Variants in CSMD1 observed in about 807,000 individuals in gnomAD.
CSMD1 encodes the protein CUB and Sushi multiple domains 1.
CSMD1 carries 213 observed loss-of-function variants against 417.5 expected under a neutral mutation model. That is an observed-to-expected ratio of 0.51 (90% CI 0.46 to 0.57). The LOEUF (loss-of-function observed/expected upper bound fraction) is 0.57. Ranked by LOEUF, CSMD1 falls within the 20% of genes least tolerant of loss-of-function variation. The probability of loss-of-function intolerance (pLI) is 0.00; values close to 1 mark genes in which losing one functional copy is unlikely to be tolerated. For synonymous variants in CSMD1, 2,862 were observed against 1,736.8 expected, an observed-to-expected ratio of 1.65 and a Z score of -16.11; for missense variants, 6,923 against 4,529.7, an observed-to-expected ratio of 1.53 and a Z score of -15.17.
chr8:3,109,219 C>T (rs923481306), intron 43 of CSMD1, among the ~76,000 whole-genome samples: 2 of 152,158 alleles, frequency 1.3e-5, no homozygotes, highest in African/African-American at 4.8e-5. Flanking sequence ...GAGCCAAGAT[C>T]GCGCCACTGC....
At chr8:4,152,828 G>C (rs1796640615) in intron 3 of CSMD1, among the ~76,000 whole-genome samples, 2 of 152,126 alleles carry the variant, frequency 1.3e-5, no homozygotes, top group Non-Finnish European at 2.9e-5. Context: ...TGAGAGAGTA[G>C]GGAATGTATG....
intron 2 of CSMD1, among the ~76,000 whole-genome samples, chr8:4,513,878 G>T (rs553732595): frequency 1.3e-5 from 2 of 152,180 alleles, no homozygotes; most frequent in African/African-American, 4.8e-5. Context: ...TCTGATTTTT[G>T]TGATCAGTGG....
At chr8:4,212,870 A>C (rs1800405487) in intron 3 of CSMD1, among the ~76,000 whole-genome samples, 1 of 151,176 alleles carries the variant, frequency 6.6e-6, no homozygotes, top group African/African-American at 2.4e-5. Context: ...ATCCTACAGG[A>C]AGATGAGGAC....
chr8:4,835,257 T>C (rs1203626099), intron 1 of CSMD1, among the ~76,000 whole-genome samples: 1 of 152,030 alleles, frequency 6.6e-6, no homozygotes, highest in Non-Finnish European at 1.5e-5. Context: ...GCAGTGGGGA[T>C]ACTAAGGAGA....
intron 3 of CSMD1, among the ~76,000 whole-genome samples, chr8:4,232,914 A>G (rs151005138): frequency 6.6e-6 from 1 of 152,198 alleles, no homozygotes; most frequent in Non-Finnish European, 1.5e-5. Context: ...TGAAATTCAC[A>G]AGAATTCTTT....
At chr8:3,888,569 A>G (rs1042390532) in intron 5 of CSMD1, among the ~76,000 whole-genome samples, 2 of 152,172 alleles carry the variant, frequency 1.3e-5, no homozygotes, top group African/African-American at 2.4e-5. Context: ...CCAGCTGGAG[A>G]AAGCTGAGCT....
chr8:3,469,598 G>A (rs1816970061), intron 11 of CSMD1, among the ~76,000 whole-genome samples: 1 of 152,168 alleles, frequency 6.6e-6, no homozygotes, highest in African/African-American at 2.4e-5. Flanking sequence ...AATAGAAAAA[G>A]TGTAAGAAGA....
chr8:4,480,005 A>G (rs1419337564), intron 2 of CSMD1, among the ~76,000 whole-genome samples: 1 of 151,740 alleles, frequency 6.6e-6, no homozygotes, highest in Non-Finnish European at 1.5e-5. Flanking sequence ...AAAAAAGCAA[A>G]CTGGATAAAG....
chr8:4,195,876 G>A (rs768682953), intron 3 of CSMD1, among the ~76,000 whole-genome samples: 6 of 152,072 alleles, frequency 3.9e-5, no homozygotes, highest in African/African-American at 1.2e-4. Context: ...GAGACTTACG[G>A]CAGAGGACTC....
intron 39 of CSMD1, among the ~76,000 whole-genome samples, chr8:3,156,911 G>A (rs191491696): frequency 3.8e-4 from 56 of 145,862 alleles, no homozygotes; most frequent in African/African-American, 1.4e-3. Context: ...TGGAAGGGGT[G>A]ACAGGAGTGA....
intron 3 of CSMD1, among the ~76,000 whole-genome samples, chr8:4,310,693 C>G (rs1454787496): frequency 6.6e-6 from 1 of 151,984 alleles, no homozygotes; most frequent in African/African-American, 2.4e-5. Flanking sequence ...ACACAACAAC[C>G]ATAGAACCTG....
chr8:3,221,754 C>A (rs1798230499), intron 28 of CSMD1, among the ~76,000 whole-genome samples: 1 of 152,056 alleles, frequency 6.6e-6, no homozygotes, highest in African/African-American at 2.4e-5. Flanking sequence ...TCAATTTGAG[C>A]CCCAATGTGT....
At chr8:4,940,136 G>A (rs1348305182) in intron 1 of CSMD1, among the ~76,000 whole-genome samples, 1 of 152,138 alleles carries the variant, frequency 6.6e-6, no homozygotes, top group East Asian at 1.9e-4. Context: ...CCCTGTGAGA[G>A]CAGGGAGGGG....
chr8:4,832,576 G>A (rs990187541), intron 1 of CSMD1, among the ~76,000 whole-genome samples: 1 of 152,176 alleles, frequency 6.6e-6, no homozygotes, highest in African/African-American at 2.4e-5. Context: ...TTGGTTGTCT[G>A]CTTGTGGTTA....
In CSMD1 at chr8:3,743,858, CTA is replaced by C. The variant is rs1157438518; in HGVS notation, c.931+10070_931+10071del. On this transcript the variant is annotated intron_variant, in intron 6 of 69. Transcript: ENST00000635120. The stretch of plus-strand genomic sequence containing the variant: ...TGCTTCCTCCTCTAACCAATTTCGT[CTA>C]TGTTATCGTATGTAAAATCCAGATT... 1.2e-4 allele frequency among the ~76,000 whole-genome samples: 18 copies of C among 152,302 alleles called. 1 individual carries two copies. Among genetic ancestry groups the C allele is most frequent in the Admixed American group, 7.2e-4 (11 of 15,298 alleles).
intron 37 of CSMD1, among the ~76,000 whole-genome samples, 163 bp from the exon 38 acceptor site, chr8:3,162,440 A>T (rs1242107451): frequency 6.6e-6 from 1 of 152,206 alleles, no homozygotes; most frequent in African/African-American, 2.4e-5. Context: ...GTACCTTTAA[A>T]TCAGAGCTAT....
At chr8:4,073,068 G>C (rs1799641798) in intron 3 of CSMD1, among the ~76,000 whole-genome samples, 1 of 152,002 alleles carries the variant, frequency 6.6e-6, no homozygotes. Context: ...TATTCATTCT[G>C]GTTTTCTCTT....
intron 7 of CSMD1, among the ~76,000 whole-genome samples, chr8:3,661,154 A>G (rs899709580): frequency 2.0e-5 from 3 of 152,202 alleles, no homozygotes; most frequent in Non-Finnish European, 2.9e-5. Flanking sequence ...ACTTTCGTAT[A>G]TGACTCCTTG....
At chr8:2,976,551 G>C (rs1329903075) in intron 55 of CSMD1, among the ~76,000 whole-genome samples, 2 of 152,078 alleles carry the variant, frequency 1.3e-5, no homozygotes, top group Non-Finnish European at 2.9e-5. Context: ...GTCTGGCTAG[G>C]TTGTCCAAGT....
Sources: gnomAD v4.1 joint callset for allele counts (sites outside exome capture counted in the v4.1 genomes callset) on GRCh38, gnomAD v4.1.1 for gene constraint, MANE v1.5 for transcripts, NCBI Gene and HGNC (gene_info 2026-07-23, HGNC 2026-07-21) for gene names.